The following BNC1 variants were observed in gnomAD, a reference collection of about 807,000 sequenced individuals.
BNC1 encodes the protein basonuclin zinc finger protein 1.
In BNC1, 8 loss-of-function variants were observed where a neutral mutation model predicts 66.5. The ratio of observed to expected loss-of-function variants is 0.12; its 90% confidence interval spans 0.07 to 0.22. The LOEUF is 0.22. Ranked by LOEUF, BNC1 falls within the 10% of genes least tolerant of loss-of-function variation. The probability of loss-of-function intolerance (pLI) is 1.00; values close to 1 mark genes in which losing one functional copy is unlikely to be tolerated. For synonymous variants in BNC1, 454 were observed against 452.6 expected, an observed-to-expected ratio of 1.00 and a Z score of -0.04; for missense variants, 1,069 against 1,241.3, an observed-to-expected ratio of 0.86 and a Z score of 2.09.
chr15:83,273,032 T>C (rs999779775), intron 1 of BNC1, among the ~76,000 whole-genome samples: 9 of 152,070 alleles, frequency 5.9e-5, no homozygotes, highest in Non-Finnish European at 1.3e-4. Flanking sequence ...AGTTTTAGTT[T>C]GGGGGCAATT....
intron 1 of BNC1, chr15:83,283,419 G>C: frequency 5.1e-6 from 6 of 1,178,710 alleles, no homozygotes; most frequent in Non-Finnish European, 5.2e-6. Flanking sequence ...GCGGCCCCCA[G>C]CCTCGCCGCC....
Position 83,264,671 on chromosome 15 carries a change from T to C in BNC1, c.580A>G (p.Ile194Val), listed in dbSNP as rs751647207. 1 of 1,614,164 alleles carries C rather than the reference T, an allele frequency of 6.2e-7. No individual in the cohort carries two copies. Among genetic ancestry groups the C allele is most frequent in the South Asian group, 1.1e-5 (1 of 91,070 alleles). ...ACATTTGCTGTGGAAGGTGGTATGA[T>C]GATGGATTGCTCTTCTTTCTCTTGA... The part of the protein sequence containing the change: ...AIQEKEEQSI[I>V]IPPSTANVDI... Residue 194 changes from isoleucine to valine, a missense_variant, in exon 4 of 5, where the codon ATC becomes GTC. This residue lies in a region of BNC1 where 181 missense variants were observed against 181.5 expected (regional missense o/e 1.00). Transcript: ENST00000345382.
In BNC1 at chr15:83,264,626, C is replaced by T. The variant is rs755975424; in HGVS notation, c.625G>A (p.Glu209Lys). 23 of 1,613,900 alleles carry T rather than the reference C, an allele frequency of 1.4e-5. No homozygotes were observed. Among genetic ancestry groups the T allele is most frequent in the Non-Finnish European group, 1.9e-5 (23 of 1,180,018 alleles). Residue 209 changes from glutamate (E) to lysine (K), a missense_variant, in exon 4 of 5, where the codon GAG becomes AAG. This residue lies in a region of BNC1 where 181 missense variants were observed against 181.5 expected (regional missense o/e 1.00). Transcript: ENST00000345382. Reference protein sequence around the residue: ...TANVDIRAFIESCSHRSSSLP... With the variant: ...TANVDIRAFIKSCSHRSSSLP... ...CTAGAACTCCTGTGACTGCAGCTCT[C>T]GATGAAAGCCCTGATATCTACATTT...
intron 1 of BNC1, among the ~76,000 whole-genome samples, chr15:83,282,350 T>C (rs1022305816): frequency 1.2e-4 from 19 of 152,264 alleles, no homozygotes; most frequent in African/African-American, 4.1e-4. Flanking sequence ...ATGACTCGTA[T>C]CTTATTCGTT....
In BNC1 at chr15:83,257,108, C is replaced by T; in HGVS notation, c.*334G>A. On this transcript the variant is annotated 3_prime_UTR_variant, in exon 5 of 5. Transcript: ENST00000345382. ...ACACTGCAAGCCTCATTTAAAGCCA[C>T]CCCCAGGTCCTGGGCCCACTGGTGT... is the stretch of plus-strand genomic sequence containing the variant. 3.2e-6 allele frequency: 1 copy of T among 315,876 alleles called. No homozygotes were observed. The allele number at this position is 315,876 out of a possible 1,614,324, so 19.6% of individuals were successfully genotyped here.
chr15:83,282,029 C>A (rs1595944184), intron 1 of BNC1, among the ~76,000 whole-genome samples: 2 of 152,202 alleles, frequency 1.3e-5, no homozygotes, highest in South Asian at 2.1e-4. Flanking sequence ...ATAACCACAG[C>A]AAACAGATCA....
intron 1 of BNC1, among the ~76,000 whole-genome samples, chr15:83,271,982 A>G (rs2038274276): frequency 6.6e-6 from 1 of 152,224 alleles, no homozygotes; most frequent in Admixed American, 6.5e-5. Flanking sequence ...AAAAGGCACG[A>G]TTAACTTAGT....
chr15:83,279,673 T>C (rs1162362242), intron 1 of BNC1, among the ~76,000 whole-genome samples: 2 of 152,196 alleles, frequency 1.3e-5, no homozygotes, highest in Non-Finnish European at 2.9e-5. Flanking sequence ...CAGGAGTCTC[T>C]TTATTGGGTT....
chr15:83,267,081 C>A lies in BNC1; in HGVS notation c.200-10G>T. On this transcript the variant is annotated splice_polypyrimidine_tract_variant and intron_variant, in intron 2 of 4. Transcript: ENST00000345382. Reference sequence around the variant, plus strand: ...CTTAGCTTACTTAGAGCTGAAAAATCAAATTGAGGAAATGTCATTTTGAAA... The same window carrying A: ...CTTAGCTTACTTAGAGCTGAAAAATAAAATTGAGGAAATGTCATTTTGAAA... 1 of 1,596,602 alleles carries A rather than the reference C, an allele frequency of 6.3e-7. No homozygotes were observed. Among genetic ancestry groups the A allele is most frequent in the Non-Finnish European group, 8.6e-7 (1 of 1,164,992 alleles).
At chr15:83,261,590 A>C (rs866749371) in intron 4 of BNC1, among the ~76,000 whole-genome samples, 1 of 152,218 alleles carries the variant, frequency 6.6e-6, no homozygotes, top group Non-Finnish European at 1.5e-5. Flanking sequence ...TTCCATTTAT[A>C]GGCTAGGGAG....
chr15:83,262,661 C>T (rs2038157267), intron 4 of BNC1, among the ~76,000 whole-genome samples: 1 of 152,076 alleles, frequency 6.6e-6, no homozygotes, highest in Non-Finnish European at 1.5e-5. Flanking sequence ...CTGTAGCCCC[C>T]AGAATAGTAA....
intron 1 of BNC1, among the ~76,000 whole-genome samples, chr15:83,282,880 T>A (rs2038393984): frequency 1.3e-5 from 2 of 152,178 alleles, no homozygotes; most frequent in African/African-American, 2.4e-5. Context: ...ACACACACTC[T>A]CTCTCTCCCT....
chr15:83,275,508 A>AAAC (rs1440706241), intron 1 of BNC1, among the ~76,000 whole-genome samples: 6 of 151,930 alleles, frequency 3.9e-5, no homozygotes, highest in Admixed American at 1.3e-4. Context: ...AAAAAAAAAA[A>AAAC]ACTAAGAAGA....
intron 1 of BNC1, among the ~76,000 whole-genome samples, chr15:83,269,223 CAAAA>C (rs371817096): frequency 6.6e-6 from 1 of 151,890 alleles, no homozygotes; most frequent in African/African-American, 2.4e-5. Context: ...GACTCCCTCT[CAAAA>C]AAACAAAAAC....
intron 1 of BNC1, among the ~76,000 whole-genome samples, chr15:83,268,947 T>A (rs1029958860): frequency 6.6e-6 from 1 of 152,230 alleles, no homozygotes; most frequent in African/African-American, 2.4e-5. Context: ...AAGCTTTGTC[T>A]GAGCGTGGTG....
At chr15:83,283,557 C>G (rs2038407315) in intron 1 of BNC1, 1 of 970,328 alleles carries the variant, frequency 1.0e-6, no homozygotes, top group Non-Finnish European at 1.2e-6. Flanking sequence ...GGGGGCTTCC[C>G]GTCCCGGCGC....
chr15:83,262,898 T>C (rs539179487), intron 4 of BNC1, 53 bp downstream of exon 4: 2 of 1,505,628 alleles, frequency 1.3e-6, no homozygotes, highest in Non-Finnish European at 1.8e-6. Context: ...TGATGCATGT[T>C]AAACTTGAAG....
At chr15:83,275,637 G>A (rs532852535) in intron 1 of BNC1, among the ~76,000 whole-genome samples, 40 of 152,274 alleles carry the variant, frequency 2.6e-4, no homozygotes, top group African/African-American at 9.4e-4. Flanking sequence ...GAGTCCCAAG[G>A]CATGCCAAGG....
Position 83,284,520 on chromosome 15 carries a change from C to A in BNC1, c.99+10G>T. The A allele has an allele frequency of 8.3e-7, 1 of 1,198,342 alleles. No homozygotes were observed. The highest frequency in any genetic ancestry group is 1.0e-6 in the Non-Finnish European group (1 of 954,356). 74.2% of individuals were successfully genotyped at this position (1,198,342 alleles called of 1,614,324 possible). ...AGAATCCCCGCGCCCGCGGAGGGCG[C>A]CGCGCTTACCTCGGCCATCCTGCGA... On this transcript the variant is annotated intron_variant, in intron 1 of 4. Coordinates refer to ENST00000345382, the MANE Select transcript of BNC1 (RefSeq NM_001717.4).
Sources: allele counts gnomAD v4.1 joint callset (sites outside exome capture counted in the v4.1 genomes callset), GRCh38; gene constraint gnomAD v4.1.1; regional missense constraint gnomAD v4.1.1; transcripts MANE v1.5; gene names NCBI Gene and HGNC (gene_info 2026-07-23, HGNC 2026-07-21).